Variants in CCBE1 observed in about 807,000 individuals in gnomAD.
CCBE1 encodes the protein collagen and calcium-binding EGF domain-containing protein 1.
Under a neutral mutation model 50.0 loss-of-function variants are expected in CCBE1, and 37 were observed. The ratio of observed to expected loss-of-function variants is 0.74; its 90% CI spans 0.57 to 0.97. The LOEUF is 0.97. Among genes scored for constraint, CCBE1 ranks in the 50% least tolerant of loss-of-function variants. The pLI is 0.00. For synonymous variants in CCBE1, 234 were observed against 203.7 expected (o/e 1.15, Z -1.27); for missense variants, 538 against 523.8 (o/e 1.03, Z -0.26).
chr18:59,572,001 A>G (rs1237688029), intron 2 of CCBE1, among the ~76,000 whole-genome samples: 1 of 152,250 alleles, frequency 6.6e-6, no homozygotes, highest in Non-Finnish European at 1.5e-5. Context: ...AACAGCCTAC[A>G]TCCTTTTCAG....
chr18:59,465,406 C>G (rs1039806447), intron 5 of CCBE1: 2 of 152,056 alleles, frequency 1.3e-5, no homozygotes, highest in Non-Finnish European at 2.9e-5. Context: ...TTTTTTCCTC[C>G]GAACTCAAAT....
chr18:59,466,956 C>T lies in CCBE1; in HGVS notation c.401-65G>A. 3.5e-6 allele frequency: 5 copies of T among 1,422,470 alleles called. No individual in the cohort carries two copies. In the South Asian group the frequency reaches 5.8e-5, roughly 16 times the overall value. The allele number at this position is 1,422,470 out of a possible 1,614,324, so 88.1% of individuals were successfully genotyped here. ...AATTCACTTCTAATACAACAGATGA[C>T]ATTGGGCTTTGCCTCTCTGTTAATA... On this transcript the variant is annotated intron_variant, in intron 4 of 10. Coordinates refer to ENST00000439986, the MANE Select transcript of CCBE1 (RefSeq NM_133459.4).
At chr18:59,627,617 T>C (rs1032034475) in intron 2 of CCBE1, among the ~76,000 whole-genome samples, 33 of 152,286 alleles carry the variant, frequency 2.2e-4, no homozygotes, top group South Asian at 8.3e-4. Flanking sequence ...TGGACACTCA[T>C]AGAAACCCAG....
intron 2 of CCBE1, among the ~76,000 whole-genome samples, chr18:59,573,655 GAA>G (rs539599552): frequency 6.9e-6 from 1 of 144,998 alleles, no homozygotes; most frequent in African/African-American, 2.5e-5. Flanking sequence ...AAAGTGCAGA[GAA>G]AAAAAAAAAT....
rs781466096 is a variant in CCBE1 at position 59,696,243 on chromosome 18, G to A, written c.212+386C>T. Among the ~76,000 whole-genome samples the A allele has an allele frequency of 5.8e-4, 89 of 152,274 alleles. 3 individuals carry two copies. Among genetic ancestry groups the A allele is most frequent in the Middle Eastern group, 6.8e-3 (2 of 294 alleles). Reference sequence around the variant, plus strand: ...ACAGAAGGTCAGAAGACAGACAAGTGCCAAGAATTGCCTTGTTGACGCTGT... The same window carrying A: ...ACAGAAGGTCAGAAGACAGACAAGTACCAAGAATTGCCTTGTTGACGCTGT... On this transcript the variant is annotated intron_variant, in intron 2 of 10. Transcript: ENST00000439986.
intron 2 of CCBE1, among the ~76,000 whole-genome samples, chr18:59,662,919 C>T (rs1181184002): frequency 6.6e-6 from 1 of 152,108 alleles, no homozygotes; most frequent in Non-Finnish European, 1.5e-5. Flanking sequence ...AACATCAAGA[C>T]CCTGTCTCAA....
intron 2 of CCBE1, among the ~76,000 whole-genome samples, chr18:59,639,718 G>C (rs1211607092): frequency 6.6e-6 from 1 of 152,116 alleles, no homozygotes; most frequent in South Asian, 2.1e-4. Flanking sequence ...GTTTCCAGGC[G>C]ATATGATTTT....
At chr18:59,573,190 C>T (rs2144490566) in intron 2 of CCBE1, among the ~76,000 whole-genome samples, 1 of 150,586 alleles carries the variant, frequency 6.6e-6, no homozygotes, top group East Asian at 2.0e-4. Flanking sequence ...GAGGCTGAGG[C>T]ACCAGAATCG....
At chr18:59,643,498 T>C (rs1390713910) in intron 2 of CCBE1, among the ~76,000 whole-genome samples, 2 of 152,120 alleles carry the variant, frequency 1.3e-5, no homozygotes, top group Non-Finnish European at 2.9e-5. Context: ...AATGCTTCTT[T>C]AAGTTGAACA....
chr18:59,535,021 C>T (rs866233088), intron 2 of CCBE1, among the ~76,000 whole-genome samples: 6 of 152,336 alleles, frequency 3.9e-5, no homozygotes, highest in South Asian at 2.1e-4. Context: ...ATAGCTCCTT[C>T]ACACCAGTTT....
At chr18:59,588,118 T>C (rs2053204117) in intron 2 of CCBE1, among the ~76,000 whole-genome samples, 2 of 152,230 alleles carry the variant, frequency 1.3e-5, no homozygotes, top group Admixed American at 1.3e-4. Context: ...AAAATTTACA[T>C]AGCTCAAAGG....
At chr18:59,523,315 C>G (rs1914685312) in intron 2 of CCBE1, among the ~76,000 whole-genome samples, 1 of 151,198 alleles carries the variant, frequency 6.6e-6, no homozygotes, top group South Asian at 2.1e-4. Flanking sequence ...GCTACTGTGA[C>G]AGAGAGACAG....
At chr18:59,601,306 C>T (rs1057163286) in intron 2 of CCBE1, among the ~76,000 whole-genome samples, 6 of 151,850 alleles carry the variant, frequency 4.0e-5, no homozygotes, top group Non-Finnish European at 7.4e-5. Flanking sequence ...TGGGAGGGAC[C>T]AGTGGGAGGT....
In CCBE1 at chr18:59,450,053, C is replaced by G. The variant is rs545570396; in HGVS notation, c.655-1950G>C. Among the ~76,000 whole-genome samples the G allele has an allele frequency of 3.3e-5, 5 of 152,188 alleles. No individual in the cohort carries two copies. In the South Asian group the frequency reaches 1.0e-3, roughly 32 times the overall value. The stretch of plus-strand genomic sequence containing the variant: ...CCACTTTCTGCATAAACACAGCAGA[C>G]GATGGGCTGTGGGATGCCAGGAGTT... On this transcript the variant is annotated intron_variant, in intron 6 of 10. Transcript: ENST00000439986.
In CCBE1 at chr18:59,654,662, C is replaced by T. The variant is rs185336012; in HGVS notation, c.212+41967G>A. ...ACAAAATTAGCCGGGCATGGTCGCACGCACCTGTAGTCCCAGCTACTTGGG... is the reference window on the plus strand; with the variant it reads ...ACAAAATTAGCCGGGCATGGTCGCATGCACCTGTAGTCCCAGCTACTTGGG... On this transcript the variant is annotated intron_variant, in intron 2 of 10. Transcript: ENST00000439986. Among the ~76,000 whole-genome samples, 16 of 151,902 alleles carry T rather than the reference C, an allele frequency of 1.1e-4. 1 individual carries two copies. Among genetic ancestry groups the T allele is most frequent in the African/African-American group, 3.9e-4 (16 of 41,406 alleles).
chr18:59,541,035 T>C (rs530106507), intron 2 of CCBE1, among the ~76,000 whole-genome samples: 14 of 152,302 alleles, frequency 9.2e-5, no homozygotes, highest in African/African-American at 2.9e-4. Flanking sequence ...CGTGGGAACA[T>C]TGGGCAATTC....
intron 2 of CCBE1, among the ~76,000 whole-genome samples, chr18:59,530,206 G>A (rs1325577509): frequency 6.6e-6 from 1 of 152,120 alleles, no homozygotes; most frequent in Non-Finnish European, 1.5e-5. Flanking sequence ...GGCACCAGGT[G>A]GCCAAAGAAG....
intron 2 of CCBE1, among the ~76,000 whole-genome samples, chr18:59,625,430 C>CAAAAAAAAAAAAAAAAAAAAAAAAAAA (rs750324482): frequency 1.4e-5 from 1 of 69,918 alleles, no homozygotes; most frequent in African/African-American, 6.1e-5. Flanking sequence ...GATTCTGTCT[C>CAAAAAAAAAAAAAAAAAAAAAAAAAAA]AAAAAAAAAA....
At chr18:59,486,884 TTTATTTAC>T (rs1912847107) in intron 2 of CCBE1, among the ~76,000 whole-genome samples, 1 of 151,962 alleles carries the variant, frequency 6.6e-6, no homozygotes, top group Non-Finnish European at 1.5e-5. Context: ...TACCTATTTA[TTTATTTAC>T]GTGTAAGCTT....
Sources: allele counts gnomAD v4.1 joint callset (sites outside exome capture counted in the v4.1 genomes callset), GRCh38; gene constraint gnomAD v4.1.1; transcripts MANE v1.5; gene names NCBI Gene and HGNC (gene_info 2026-07-23, HGNC 2026-07-21).